SCPPPQ1: variants seen among roughly 807,000 people sequenced by gnomAD.
The protein encoded by SCPPPQ1 is secretory calcium-binding phosphoprotein proline-glutamine rich 1, also known as secretory calcium-binding phosphoprotein proline- and glutamine-rich 1.
chr4:87,466,720 T>A, the SCPPPQ1 span, among the ~76,000 whole-genome samples: 1 of 152,104 alleles, frequency 6.6e-6, no homozygotes, highest in Non-Finnish European at 1.5e-5. Flanking sequence ...TTAAGCAAGA[T>A]GTAGTTTTAA....
At chr4:87,468,538 T>G in the SCPPPQ1 span, among the ~76,000 whole-genome samples, 2 of 152,178 alleles carry the variant, frequency 1.3e-5, no homozygotes, top group Non-Finnish European at 2.9e-5. Context: ...GTGGATCTCA[T>G]TTGTATATAG....
At chr4:87,470,622 A>G in the SCPPPQ1 span, among the ~76,000 whole-genome samples, 4 of 152,142 alleles carry the variant, frequency 2.6e-5, no homozygotes, top group African/African-American at 9.7e-5. Flanking sequence ...ATTCAAATTA[A>G]CTTACCTTGT....
At chr4:87,469,687 A>G in the SCPPPQ1 span, among the ~76,000 whole-genome samples, 1 of 152,272 alleles carries the variant, frequency 6.6e-6, no homozygotes, top group South Asian at 2.1e-4. Flanking sequence ...GTAGGAGATC[A>G]TTTCGAGTTT....
At chr4:87,470,075 TC>T in the SCPPPQ1 span, among the ~76,000 whole-genome samples, 2 of 151,124 alleles carry the variant, frequency 1.3e-5, no homozygotes, top group African/African-American at 2.4e-5. Context: ...TGCCTCAGTC[TC>T]CCAAGGAGCT....
At chr4:87,461,301 G>A in the SCPPPQ1 span, among the ~76,000 whole-genome samples, 8 of 152,172 alleles carry the variant, frequency 5.3e-5, no homozygotes, top group Non-Finnish European at 1.2e-4. Flanking sequence ...TGGTCTGACT[G>A]GGTTGCAAAG....
At chr4:87,470,197 CTCAA>C in the SCPPPQ1 span, among the ~76,000 whole-genome samples, 1 of 152,214 alleles carries the variant, frequency 6.6e-6, no homozygotes, top group African/African-American at 2.4e-5. Flanking sequence ...AACTTCTGGC[CTCAA>C]TCAACCTTCC....
the SCPPPQ1 span, among the ~76,000 whole-genome samples, chr4:87,466,115 C>T: frequency 6.6e-6 from 1 of 152,116 alleles, no homozygotes; most frequent in African/African-American, 2.4e-5. Flanking sequence ...TGCCAGGGCA[C>T]GGTCGCTCAT....
At chr4:87,463,327 A>AC in the SCPPPQ1 span, among the ~76,000 whole-genome samples, 20,695 of 151,584 alleles carry the variant, frequency 0.14, 1,470 homozygotes, top group East Asian at 0.23. Flanking sequence ...TTAAAAAAAA[A>AC]AACAACAAAA....
chr4:87,467,583 G>C, the SCPPPQ1 span, among the ~76,000 whole-genome samples: 8 of 152,204 alleles, frequency 5.3e-5, no homozygotes, highest in Admixed American at 5.2e-4. Flanking sequence ...CTTTTTAATA[G>C]TAAGTGCAGA....
the SCPPPQ1 span, among the ~76,000 whole-genome samples, chr4:87,464,403 G>A: frequency 6.6e-6 from 1 of 151,928 alleles, no homozygotes; most frequent in South Asian, 2.1e-4. Flanking sequence ...GAAACATGTA[G>A]TCTGTATTTT....
At chr4:87,462,475 TTC>T in the SCPPPQ1 span, among the ~76,000 whole-genome samples, 55 of 26,326 alleles carry the variant, frequency 2.1e-3, no homozygotes, top group Non-Finnish European at 1.0e-3. Flanking sequence ...CTCCACGTTT[TTC>T]TTTCTTTCTT....
chr4:87,467,891 A>G, the SCPPPQ1 span, among the ~76,000 whole-genome samples: 1 of 152,206 alleles, frequency 6.6e-6, no homozygotes, highest in Non-Finnish European at 1.5e-5. Flanking sequence ...AAATCTCTGT[A>G]AAAAGAAACA....
the SCPPPQ1 span, chr4:87,462,297 G>A: frequency 6.6e-6 from 1 of 152,342 alleles, no homozygotes; most frequent in Middle Eastern, 3.4e-3. Flanking sequence ...AATGTAACTT[G>A]TTAGGAGAGA....
the SCPPPQ1 span, among the ~76,000 whole-genome samples, chr4:87,462,929 G>T: frequency 1.3e-5 from 2 of 150,260 alleles, no homozygotes; most frequent in Admixed American, 1.3e-4. Flanking sequence ...GCCTGGGGGG[G>T]CAGAGGTTGC....
chr4:87,470,347 G>A, the SCPPPQ1 span, among the ~76,000 whole-genome samples: 1 of 152,112 alleles, frequency 6.6e-6, no homozygotes, highest in African/African-American at 2.4e-5. Context: ...TGAGAGGAAA[G>A]TTTTTATGTA....
the SCPPPQ1 span, among the ~76,000 whole-genome samples, chr4:87,464,514 A>G: frequency 6.6e-6 from 1 of 152,146 alleles, no homozygotes; most frequent in Non-Finnish European, 1.5e-5. Flanking sequence ...CTCTTTCTGA[A>G]AGAAAACTTT....
At chr4:87,461,967 C>T in the SCPPPQ1 span, 1 of 152,108 alleles carries the variant, frequency 6.6e-6, no homozygotes, top group Admixed American at 6.5e-5. Flanking sequence ...TTTTACTAAC[C>T]ATACGTAACT....
the SCPPPQ1 span, among the ~76,000 whole-genome samples, chr4:87,463,546 AATC>A: frequency 6.6e-6 from 1 of 152,136 alleles, no homozygotes; most frequent in African/African-American, 2.4e-5. Flanking sequence ...TGTATACAAA[AATC>A]TATTTTATTG....
chr4:87,461,673 G>A, the SCPPPQ1 span, among the ~76,000 whole-genome samples: 3,390 of 152,224 alleles, frequency 0.022, 138 homozygotes, highest in African/African-American at 0.077. Flanking sequence ...GGTGGCTAAA[G>A]GGGGAACTTG....
Sources: allele counts gnomAD v4.1 joint callset (sites outside exome capture counted in the v4.1 genomes callset), GRCh38; gene constraint gnomAD v4.1.1; transcripts MANE v1.5; gene names NCBI Gene and HGNC (gene_info 2026-07-23, HGNC 2026-07-21).